The following PIGS variants were observed in gnomAD, a reference collection of about 807,000 sequenced individuals.
PIGS encodes phosphatidylinositol glycan anchor biosynthesis class S.
Under a neutral mutation model 58.2 loss-of-function variants are expected in PIGS, and 37 were observed. The observed-to-expected ratio is 0.64, with a 90% CI of 0.49 to 0.84. The LOEUF is 0.84. Among genes scored for constraint, PIGS ranks in the 40% least tolerant of loss-of-function variants. The probability of loss-of-function intolerance (pLI) is 0.00; values close to 1 mark genes in which losing one functional copy is unlikely to be tolerated. For synonymous variants in PIGS, 269 were observed against 289.2 expected (o/e 0.93, Z 0.71); for missense variants, 629 against 710.8 (o/e 0.88, Z 1.31).
At chr17:28,554,712 G>A (rs2286519) in intron 11 of PIGS, 139 bp downstream of exon 11, 295,692 of 1,269,314 alleles carry the variant, frequency 0.23, 35,658 homozygotes, top group Admixed American at 0.31. Context: ...TGGTACTGCC[G>A]TCTAGAGGAA....
chr17:28,556,106 T>G, intron 10 of PIGS, 60 bp downstream of exon 10: 1 of 1,483,526 alleles, frequency 6.7e-7, no homozygotes, highest in East Asian at 2.3e-5. Flanking sequence ...GATTCCACTT[T>G]GCAACTCCCC....
chr17:28,569,487 A>G (rs1392174161), intron 3 of PIGS, among the ~76,000 whole-genome samples: 3 of 151,928 alleles, frequency 2.0e-5, no homozygotes, highest in East Asian at 1.9e-4. Flanking sequence ...AAAAAAAAAA[A>G]AAAAAGAAAA....
intron 11 of PIGS, 147 bp from the exon 12 acceptor site, chr17:28,554,642 T>C: frequency 1.6e-6 from 2 of 1,243,872 alleles, no homozygotes; most frequent in South Asian, 2.8e-5. Context: ...AGGGATATGG[T>C]TTATTTTCCT....
intron 9 of PIGS, 196 bp from the exon 10 acceptor site, chr17:28,556,462 T>C (rs954079938): frequency 4.2e-6 from 3 of 709,984 alleles, no homozygotes; most frequent in Non-Finnish European, 7.7e-6. Flanking sequence ...TTGAAAGTCC[T>C]GTAGAACATA....
chr17:28,556,004 C>T (rs1348736267), intron 10 of PIGS, 162 bp downstream of exon 10: 7 of 629,542 alleles, frequency 1.1e-5, no homozygotes, highest in South Asian at 3.9e-5. Context: ...ACCTACTAGT[C>T]CTTCTTAGAA....
At position 28,554,135 on chromosome 17, in the gene PIGS, C is replaced by A; in HGVS notation, c.*85G>T. On this transcript the variant is annotated 3_prime_UTR_variant, in exon 12 of 12. Transcript: ENST00000308360. The stretch of plus-strand genomic sequence containing the variant: ...CTGGAGACAAATATTTAAGTCATTC[C>A]GGCAGGCCCCATGTACGTGCCTCAC... The A allele has an allele frequency of 6.6e-7, 1 of 1,512,318 alleles. No individual in the cohort carries two copies. The highest frequency in any genetic ancestry group is 9.0e-7 in the Non-Finnish European group (1 of 1,115,670). 93.7% of individuals were successfully genotyped at this position (1,512,318 alleles called of 1,614,324 possible). A position where few individuals can be genotyped will look rare whatever the true frequency, so the allele number is the denominator to read the frequency against.
chr17:28,554,062 C>A lies in PIGS; in HGVS notation c.*158G>T, dbSNP rs1217695110. On this transcript the variant is annotated 3_prime_UTR_variant, in exon 12 of 12. Transcript: ENST00000308360. ...AATGGGAAAGGAAGAAAAGATGAAC[C>A]CATCTTGGAGTGTTGTACTTTGGTT... 3.3e-6 allele frequency: 3 copies of A among 904,852 alleles called. No individual in the cohort carries two copies. The highest frequency in any genetic ancestry group is 1.7e-6 in the Non-Finnish European group (1 of 602,248). The allele number at this position is 904,852 out of a possible 1,614,324, so 56.1% of individuals were successfully genotyped here. A position where few individuals can be genotyped will look rare whatever the true frequency, so the allele number is the denominator to read the frequency against.
chr17:28,562,320 G>A (rs1257798281), intron 5 of PIGS, among the ~76,000 whole-genome samples: 3 of 152,214 alleles, frequency 2.0e-5, no homozygotes, highest in Admixed American at 6.5e-5. Flanking sequence ...AGGGAATGGA[G>A]TATAACCATG....
At position 28,564,383 on chromosome 17, in the gene PIGS, C is replaced by T. The variant is rs116888333; in HGVS notation, c.287-476G>A. Among the ~76,000 whole-genome samples, 960 of 152,270 alleles carry T rather than the reference C, an allele frequency of 6.3e-3. 4 individuals carry two copies. The highest frequency in any genetic ancestry group is 8.8e-3 in the Non-Finnish European group (600 of 68,024). ...ATGAGTTGGAGATTAGCCTGGACAA[C>T]ATGATGAAACCCCAACTCTACAAAA... On this transcript the variant is annotated intron_variant, in intron 3 of 11. Coordinates refer to ENST00000308360, the MANE Select transcript of PIGS (RefSeq NM_033198.4).
At chr17:28,559,908 C>T (rs904388106) in intron 7 of PIGS, 141 bp downstream of exon 7, 1 of 1,109,096 alleles carries the variant, frequency 9.0e-7, no homozygotes, top group Admixed American at 3.2e-5. Context: ...ACCCCCAGTA[C>T]CCACCCTTAT....
chr17:28,559,699 C>CA (rs761803589), intron 7 of PIGS, among the ~76,000 whole-genome samples: 2,433 of 44,628 alleles, frequency 0.055, 96 homozygotes, highest in East Asian at 0.11. Flanking sequence ...GACTCTGTCT[C>CA]AAAAAAAAAA....
intron 3 of PIGS, among the ~76,000 whole-genome samples, chr17:28,569,302 C>T (rs913925112): frequency 6.6e-6 from 1 of 151,428 alleles, no homozygotes; most frequent in African/African-American, 2.4e-5. Context: ...CCTATCTCTA[C>T]TAAAAATACC....
At chr17:28,560,547 G>A (rs1044164337) in intron 6 of PIGS, among the ~76,000 whole-genome samples, 1 of 152,158 alleles carries the variant, frequency 6.6e-6, no homozygotes, top group Non-Finnish European at 1.5e-5. Context: ...GGAGGCCGAG[G>A]CAGGCAGATC....
intron 9 of PIGS, 31 bp from the exon 10 acceptor site, chr17:28,556,297 C>T: frequency 6.7e-7 from 1 of 1,497,716 alleles, no homozygotes; most frequent in Non-Finnish European, 9.3e-7. Context: ...GCCACAACAT[C>T]ATACCAGGCC....
intron 3 of PIGS, among the ~76,000 whole-genome samples, chr17:28,568,543 A>G (rs891674320): frequency 1.3e-5 from 2 of 152,240 alleles, no homozygotes; most frequent in African/African-American, 4.8e-5. Flanking sequence ...CTAACAGATG[A>G]GGAAACCAAG....
At position 28,561,650 on chromosome 17, in the gene PIGS, C is replaced by T. The variant is rs140518757; in HGVS notation, c.469-21G>A. 1.6e-5 allele frequency: 26 copies of T among 1,598,418 alleles called. No individual in the cohort carries two copies. In the African/African-American group the frequency reaches 2.8e-4, roughly 17 times the overall value. On this transcript the variant is annotated intron_variant, in intron 5 of 11. Transcript: ENST00000308360. ...ATGTCCTGTGGGGGTGAGCAAGAGACAGAATGCCCATGGCTCAGAAAAGAA... is the reference window on the plus strand; with the variant it reads ...ATGTCCTGTGGGGGTGAGCAAGAGATAGAATGCCCATGGCTCAGAAAAGAA...
At chr17:28,570,498 G>A (rs571615435) in intron 3 of PIGS, among the ~76,000 whole-genome samples, 7 of 152,336 alleles carry the variant, frequency 4.6e-5, no homozygotes, top group Admixed American at 2.6e-4. Context: ...GCGACAGAGC[G>A]AAGCTCCGTC....
intron 10 of PIGS, chr17:28,555,338 C>A: frequency 2.3e-6 from 1 of 428,138 alleles, no homozygotes; most frequent in South Asian, 2.6e-5. Flanking sequence ...GGCTAAAATA[C>A]TTCTGATAAC....
intron 3 of PIGS, among the ~76,000 whole-genome samples, chr17:28,566,814 A>T (rs1357659580): frequency 1.3e-5 from 2 of 151,804 alleles, no homozygotes; most frequent in African/African-American, 2.4e-5. Flanking sequence ...GGCTGGTCTG[A>T]AACTCCTGAC....
Sources: allele counts gnomAD v4.1 joint callset (sites outside exome capture counted in the v4.1 genomes callset), GRCh38; gene constraint gnomAD v4.1.1; transcripts MANE v1.5; gene names NCBI Gene and HGNC (gene_info 2026-07-23, HGNC 2026-07-21).